SPPL2A: variants seen among roughly 807,000 people sequenced by gnomAD.
SPPL2A encodes the protein signal peptide peptidase like 2A, also known as signal peptide peptidase-like 2A.
Under a neutral mutation model 63.8 loss-of-function variants are expected in SPPL2A, and 51 were observed. The ratio of observed to expected loss-of-function variants is 0.80; its 90% confidence interval spans 0.64 to 1.01. The LOEUF (loss-of-function observed/expected upper bound fraction) is 1.01. SPPL2A is among the 50% of genes least tolerant of loss of function. SPPL2A has a pLI of 0.00. For synonymous variants in SPPL2A, 188 were observed against 205.8 expected (o/e 0.91, Z 0.74); for missense variants, 553 against 622.7 (o/e 0.89, Z 1.19).
intron 8 of SPPL2A, among the ~76,000 whole-genome samples, 194 bp downstream of exon 8, chr15:50,735,907 A>G (rs1417404788): frequency 6.6e-6 from 1 of 152,194 alleles, no homozygotes; most frequent in Admixed American, 6.5e-5. Flanking sequence ...TGTTAAAATC[A>G]TAATTCATAT....
intron 10 of SPPL2A, among the ~76,000 whole-genome samples, chr15:50,728,815 G>GT (rs1207524834): frequency 8.5e-5 from 11 of 129,044 alleles, no homozygotes; most frequent in Non-Finnish European, 1.6e-4. Flanking sequence ...GCTGATTATT[G>GT]TATTTTTTTT....
rs865877235 is a variant in SPPL2A at position 50,737,481 on chromosome 15, C to G, written c.734-741G>C. ...ATGAGTTTTTTTTTTGAGATGGAGT[C>G]TCACTGTGTCACCCAGGCTGGAGTG... On this transcript the variant is annotated intron_variant, in intron 6 of 14. Transcript: ENST00000261854. 2.0e-5 allele frequency among the ~76,000 whole-genome samples: 3 copies of G among 151,988 alleles called. No individual in the cohort carries two copies. In the South Asian group the frequency reaches 6.2e-4, roughly 31 times the overall value.
chr15:50,736,980 C>T (rs1225227860), intron 6 of SPPL2A, among the ~76,000 whole-genome samples: 2 of 151,380 alleles, frequency 1.3e-5, no homozygotes, highest in Non-Finnish European at 2.9e-5. Context: ...GGTGTAATCT[C>T]GGCTCTCACT....
intron 8 of SPPL2A, 133 bp from the exon 9 acceptor site, chr15:50,732,817 C>G: frequency 3.3e-6 from 2 of 601,656 alleles, no homozygotes; most frequent in Non-Finnish European, 5.9e-6. Flanking sequence ...AAGACAGATT[C>G]TCACTCTGTC....
Position 50,726,315 on chromosome 15 carries a change from C to G in SPPL2A, c.1146+6G>C, listed in dbSNP as rs2062687544. ...ATAGCCATTTCTATTTCATTGCCAT[C>G]CCTACCTTTTCATTATTTCCAAAAG... On this transcript the variant is annotated splice_donor_region_variant and intron_variant, in intron 11 of 14. Transcript: ENST00000261854. 6.2e-7 allele frequency: 1 copy of G among 1,613,414 alleles called. No individual in the cohort carries two copies. The highest frequency in any genetic ancestry group is 1.3e-5 in the African/African-American group (1 of 74,928).
chr15:50,744,611 T>C (rs2062844587), intron 5 of SPPL2A, among the ~76,000 whole-genome samples: 1 of 152,222 alleles, frequency 6.6e-6, no homozygotes, highest in Non-Finnish European at 1.5e-5. Flanking sequence ...AAAATCTGAA[T>C]TTTATGTACA....
intron 6 of SPPL2A, among the ~76,000 whole-genome samples, chr15:50,737,751 C>T (rs1213167150): frequency 6.6e-6 from 1 of 152,102 alleles, no homozygotes; most frequent in Non-Finnish European, 1.5e-5. Flanking sequence ...CCGCATCTGG[C>T]CAGAATGACT....
At chr15:50,745,567 T>C (rs973497165) in intron 5 of SPPL2A, among the ~76,000 whole-genome samples, 4 of 114,628 alleles carry the variant, frequency 3.5e-5, no homozygotes, top group Admixed American at 9.1e-5. Context: ...TTTTTTTTTT[T>C]AGTAGGGTCT....
At chr15:50,718,098 A>T (rs948209991) in intron 14 of SPPL2A, among the ~76,000 whole-genome samples, 1 of 149,472 alleles carries the variant, frequency 6.7e-6, no homozygotes, top group Non-Finnish European at 1.5e-5. Flanking sequence ...CAGCCTCCCG[A>T]GTAGCTGGGA....
chr15:50,735,225 C>G (rs2062760677), intron 8 of SPPL2A, among the ~76,000 whole-genome samples: 1 of 152,036 alleles, frequency 6.6e-6, no homozygotes, highest in Admixed American at 6.6e-5. Flanking sequence ...TCTTTTGTAT[C>G]TGACTACTTT....
chr15:50,726,726 A>AT (rs2062690885), intron 10 of SPPL2A, among the ~76,000 whole-genome samples: 1 of 152,242 alleles, frequency 6.6e-6, no homozygotes, highest in Non-Finnish European at 1.5e-5. Context: ...TTTTAGTTAC[A>AT]TTATGCCTTA....
chr15:50,753,882 C>T (rs1012111250), intron 1 of SPPL2A, among the ~76,000 whole-genome samples: 7 of 151,998 alleles, frequency 4.6e-5, no homozygotes, highest in East Asian at 1.9e-4. Flanking sequence ...CTGCAATCTC[C>T]GCCTCCCGAG....
At chr15:50,732,086 C>G (rs1404552867) in intron 9 of SPPL2A, among the ~76,000 whole-genome samples, 1 of 151,970 alleles carries the variant, frequency 6.6e-6, no homozygotes, top group Non-Finnish European at 1.5e-5. Flanking sequence ...AGACCCCTAT[C>G]TCTACAAAAC....
intron 5 of SPPL2A, among the ~76,000 whole-genome samples, chr15:50,742,295 CAGG>C (rs2062827684): frequency 6.6e-6 from 1 of 151,802 alleles, no homozygotes; most frequent in South Asian, 2.1e-4. Context: ...GAGGCTGAGG[CAGG>C]AGAATTGCTT....
In SPPL2A at chr15:50,725,289, T is replaced by C. The variant is rs764073564; in HGVS notation, c.1181A>G (p.Tyr394Cys). The C allele has an allele frequency of 5.1e-5, 82 of 1,607,876 alleles. 1 individual carries two copies. The highest frequency in any genetic ancestry group is 5.8e-5 in the Non-Finnish European group (68 of 1,176,296). Residue 394 changes from tyrosine to cysteine, a missense_variant, in exon 12 of 15, where the codon TAT (tyrosine) becomes TGT (cysteine). By Grantham distance (194) the Tyr-to-Cys change is radical. Transcript: ENST00000261854. ...GAGGCACACACTCATTACTGAGAAATAGATCAGTTTTGGTACTCTGATGAC... is the reference window on the plus strand; with the variant it reads ...GAGGCACACACTCATTACTGAGAAACAGATCAGTTTTGGTACTCTGATGAC... ...PVVIRVPKLIYFSVMSVCLMP... is the reference protein window; with the variant it reads ...PVVIRVPKLICFSVMSVCLMP...
intron 14 of SPPL2A, among the ~76,000 whole-genome samples, chr15:50,712,821 G>T (rs1407781468): frequency 1.3e-5 from 2 of 151,750 alleles, no homozygotes; most frequent in Non-Finnish European, 2.9e-5. Context: ...AAACAGCTGG[G>T]ATTACAGGCG....
intron 5 of SPPL2A, among the ~76,000 whole-genome samples, chr15:50,741,446 G>A (rs182691594): frequency 2.0e-5 from 3 of 151,740 alleles, no homozygotes; most frequent in Admixed American, 2.0e-4. Flanking sequence ...TGAAACTCCA[G>A]AGCTGAATGA....
chr15:50,762,915 A>AT (rs1047412931), intron 1 of SPPL2A, among the ~76,000 whole-genome samples: 25 of 137,834 alleles, frequency 1.8e-4, no homozygotes, highest in Middle Eastern at 7.6e-3. Flanking sequence ...TTTTTTTTGT[A>AT]TTTTTTTTTA....
At chr15:50,753,858 G>A (rs1224349611) in intron 1 of SPPL2A, among the ~76,000 whole-genome samples, 1 of 151,986 alleles carries the variant, frequency 6.6e-6, no homozygotes, top group African/African-American at 2.4e-5. Flanking sequence ...GTGCAATGGC[G>A]TGATCTCGGC....
Sources: allele counts gnomAD v4.1 joint callset (sites outside exome capture counted in the v4.1 genomes callset), GRCh38; gene constraint gnomAD v4.1.1; transcripts MANE v1.5; gene names NCBI Gene and HGNC (gene_info 2026-07-23, HGNC 2026-07-21).